SGCD: variants seen among roughly 807,000 people sequenced by gnomAD.
SGCD encodes delta-sarcoglycan.
A neutral mutation model predicts 36.6 loss-of-function variants in SGCD; 18 were observed. That is an observed-to-expected ratio of 0.49 (90% confidence interval 0.34 to 0.73). The LOEUF is 0.73. Ranked by LOEUF, SGCD falls within the 30% of genes least tolerant of loss-of-function variation. The pLI is 0.01. For missense variants in SGCD, 387 were observed against 346.7 expected, an observed-to-expected ratio of 1.12 and a Z score of -0.92; for synonymous variants, 133 against 130.6, an observed-to-expected ratio of 1.02 and a Z score of -0.12.
At chr5:155,877,492 G>A (rs564548091) in intron 1 of SGCD, among the ~76,000 whole-genome samples, 2 of 152,214 alleles carry the variant, frequency 1.3e-5, no homozygotes, top group Admixed American at 1.3e-4. Flanking sequence ...TATTGAATGA[G>A]GTTCCTAACA....
At chr5:156,219,323 T>C (rs896465906) in intron 3 of SGCD, among the ~76,000 whole-genome samples, 6 of 152,228 alleles carry the variant, frequency 3.9e-5, no homozygotes, top group African/African-American at 1.4e-4. Context: ...AAAATGCTTA[T>C]TCAATTTGTT....
the SGCD span, among the ~76,000 whole-genome samples, chr5:155,806,021 A>G: frequency 1.3e-5 from 2 of 152,224 alleles, no homozygotes; most frequent in Non-Finnish European, 2.9e-5. Flanking sequence ...AGCCAGTAGC[A>G]TTTAAATGAA....
intron 3 of SGCD, among the ~76,000 whole-genome samples, chr5:156,221,369 CA>C (rs372712086): frequency 1.7e-4 from 26 of 152,002 alleles, no homozygotes; most frequent in African/African-American, 6.3e-4. Context: ...GAATTATAAA[CA>C]AAAATTTAGA....
chr5:155,787,672 G>A, the SGCD span, among the ~76,000 whole-genome samples: 1 of 152,150 alleles, frequency 6.6e-6, no homozygotes, highest in African/African-American at 2.4e-5. Context: ...TGTAACGGAT[G>A]GAGCAGATTG....
chr5:156,022,997 A>G (rs1160893642), intron 1 of SGCD, among the ~76,000 whole-genome samples: 2 of 152,236 alleles, frequency 1.3e-5, no homozygotes. Flanking sequence ...TAAGTGTAGC[A>G]CAGTGGGGAG....
At chr5:155,815,948 T>C in the SGCD span, among the ~76,000 whole-genome samples, 11 of 152,196 alleles carry the variant, frequency 7.2e-5, no homozygotes, top group African/African-American at 2.4e-4. Flanking sequence ...TATTTACAAG[T>C]AACCTGACTA....
At chr5:155,737,573 A>C in the SGCD span, among the ~76,000 whole-genome samples, 20 of 152,326 alleles carry the variant, frequency 1.3e-4, no homozygotes, top group South Asian at 4.1e-3. Flanking sequence ...ACACTTACCT[A>C]GTCTGACACT....
chr5:155,900,665 A>C (rs2113337030), intron 1 of SGCD, among the ~76,000 whole-genome samples: 1 of 150,612 alleles, frequency 6.6e-6, no homozygotes, highest in East Asian at 2.0e-4. Flanking sequence ...ATGAGTGAGA[A>C]TATGCTTTTT....
Position 156,295,125 on chromosome 5 carries a change from A to AT in SGCD, c.-43-34405dup, listed in dbSNP as rs1201280194. On this transcript the variant is annotated intron_variant, in intron 3 of 9. Coordinates refer to the SGCD transcript ENST00000517913. ...GTTCATGGCTTTTCTTTGTCTGGAG[A>AT]TTTTGATTATTGATTCAGTCTCCTC... is the stretch of plus-strand genomic sequence containing the variant. 3.3e-5 allele frequency among the ~76,000 whole-genome samples: 5 copies of AT among 152,060 alleles called. 1 individual carries two copies. In the East Asian group the frequency reaches 9.6e-4, roughly 29 times the overall value.
At chr5:156,553,231 C>T (rs548244853) in intron 4 of SGCD, among the ~76,000 whole-genome samples, 1 of 152,266 alleles carries the variant, frequency 6.6e-6, no homozygotes, top group Non-Finnish European at 1.5e-5. Context: ...ACCCAAACAC[C>T]TCCCAGTAGG....
chr5:156,697,750 C>CGGATGGATGGAT (rs10544582), intron 7 of SGCD, among the ~76,000 whole-genome samples: 12 of 149,048 alleles, frequency 8.1e-5, no homozygotes, highest in African/African-American at 2.2e-4. Context: ...GATGGACGGA[C>CGGATGGATGGAT]GGATGGATGG....
At chr5:155,821,935 T>C in the SGCD span, among the ~76,000 whole-genome samples, 1 of 152,228 alleles carries the variant, frequency 6.6e-6, no homozygotes, top group East Asian at 1.9e-4. Context: ...TGATGGTTAC[T>C]ACATGCCTGA....
chr5:156,291,470 A>C (rs1278108363), intron 3 of SGCD, among the ~76,000 whole-genome samples: 2 of 152,182 alleles, frequency 1.3e-5, no homozygotes, highest in Non-Finnish European at 2.9e-5. Context: ...AACAGGCAAC[A>C]GGCCAGACAG....
intron 6 of SGCD, among the ~76,000 whole-genome samples, chr5:156,626,629 G>A (rs1006556375): frequency 1.3e-5 from 2 of 152,112 alleles, no homozygotes; most frequent in African/African-American, 4.8e-5. Context: ...CATATAGGAT[G>A]GATATTCAGT....
At position 156,303,299 on chromosome 5, in the gene SGCD, G is replaced by A. The variant is rs577232083; in HGVS notation, c.-43-26235G>A. ...TGAATGCTACTGGGCTACCATTGAT[G>A]TTCACTCTAGGCCCAAAGGTCTTTA... On this transcript the variant is annotated intron_variant, in intron 3 of 9. Coordinates refer to the SGCD transcript ENST00000517913. Among the ~76,000 whole-genome samples, 3 of 152,190 alleles carry A rather than the reference G, an allele frequency of 2.0e-5. No homozygotes were observed. The South Asian group carries it at 6.2e-4, about 32-fold the overall frequency.
chr5:156,469,345 T>C (rs1754856192), intron 3 of SGCD, among the ~76,000 whole-genome samples: 1 of 152,236 alleles, frequency 6.6e-6, no homozygotes, highest in African/African-American at 2.4e-5. Flanking sequence ...TGAGGGCATC[T>C]GCCATAGCCT....
chr5:155,931,806 G>C (rs1757102820), intron 1 of SGCD, among the ~76,000 whole-genome samples: 1 of 152,110 alleles, frequency 6.6e-6, no homozygotes, highest in Non-Finnish European at 1.5e-5. Context: ...AGTCCATTTG[G>C]GCTGCTGTAA....
intron 1 of SGCD, among the ~76,000 whole-genome samples, chr5:156,028,670 A>G (rs1021406750): frequency 6.6e-6 from 1 of 152,186 alleles, no homozygotes; most frequent in Non-Finnish European, 1.5e-5. Flanking sequence ...TCTGTATATA[A>G]TGAAGGCAGT....
chr5:155,782,231 G>T, the SGCD span, among the ~76,000 whole-genome samples: 1 of 151,878 alleles, frequency 6.6e-6, no homozygotes, highest in Non-Finnish European at 1.5e-5. Context: ...TGTCATGTTA[G>T]CCAGGCTGGT....
Sources: gnomAD v4.1 joint callset for allele counts (sites outside exome capture counted in the v4.1 genomes callset) on GRCh38, gnomAD v4.1.1 for gene constraint, MANE v1.5 for transcripts, NCBI Gene and HGNC (gene_info 2026-07-23, HGNC 2026-07-21) for gene names.